Variants in CYP27C1 observed in about 807,000 individuals in gnomAD.
CYP27C1 encodes the protein cytochrome P450 family 27 subfamily C member 1.
CYP27C1 carries 29 observed loss-of-function variants against 40.6 expected under a neutral mutation model. The ratio of observed to expected loss-of-function variants is 0.71; its 90% CI spans 0.53 to 0.97. CYP27C1 has a LOEUF of 0.97. Among genes scored for constraint, CYP27C1 ranks in the 50% least tolerant of loss-of-function variants. CYP27C1 has a pLI of 0.00. For missense variants in CYP27C1, 390 were observed against 485.8 expected (o/e 0.80, Z 1.85); for synonymous variants, 198 against 186.8 (o/e 1.06, Z -0.49).
chr2:127,203,448 G>T lies in CYP27C1; in HGVS notation c.597C>A (p.Tyr199Ter), dbSNP rs776450684. 5 of 1,613,850 alleles carry T rather than the reference G, an allele frequency of 3.1e-6. No homozygotes were observed. The African/African-American group carries it at 5.3e-5, about 17-fold the overall frequency. Residue 199 changes from tyrosine to a stop codon, truncating the protein, a stop_gained, in exon 3 of 9, where the codon TAC becomes TAA. Transcript: ENST00000664447. LOFTEE classifies it high-confidence loss of function. ...CATCTTCTGCCTGGCTCCTGAGGAG[G>T]TAGATTCTTTTAATTAAGTCAGCAA... is the stretch of plus-strand genomic sequence containing the variant. ...QVIADLIKRI[Y>*]LLRSQAEDGE... is the part of the protein sequence containing the mutation.
At chr2:127,192,634 C>T (rs1682807171) in intron 8 of CYP27C1, among the ~76,000 whole-genome samples, 1 of 146,180 alleles carries the variant, frequency 6.8e-6, no homozygotes, top group Non-Finnish European at 1.5e-5. Flanking sequence ...GGGGGGGCTG[C>T]TGCTGACGGT....
In CYP27C1 at chr2:127,195,731, C is replaced by G. The variant is rs1275848540; in HGVS notation, c.1048-230G>C. Among the ~76,000 whole-genome samples the G allele has an allele frequency of 6.6e-6, 1 of 152,166 alleles. No individual in the cohort carries two copies. The highest frequency in any genetic ancestry group is 2.4e-5 in the African/African-American group (1 of 41,434). On this transcript the variant is annotated intron_variant, in intron 5 of 8. Transcript: ENST00000664447. The surrounding 1 kb of genome is among the most constrained non-coding windows in gnomAD (Gnocchi z 6.2). The stretch of plus-strand genomic sequence containing the variant: ...ACGTATTTGGCAAGTGACATTGACT[C>G]TATGATTCATGTGCTCCTGTCATGA...
rs567527240 is a variant in CYP27C1 at position 127,186,138 on chromosome 2, C to G, written c.*1133G>C. The G allele has an allele frequency of 1.3e-5, 2 of 152,158 alleles. No individual in the cohort carries two copies. The highest frequency in any genetic ancestry group is 2.9e-5 in the Non-Finnish European group (2 of 68,022). 9.4% of individuals were successfully genotyped at this position (152,158 alleles called of 1,614,324 possible). ...TTATTACTTCTCACAACTTAGGCAACAAAATTTTACGTCATCATATTTCCA... is the reference window on the plus strand; with the variant it reads ...TTATTACTTCTCACAACTTAGGCAAGAAAATTTTACGTCATCATATTTCCA... On this transcript the variant is annotated 3_prime_UTR_variant, in exon 9 of 9. Transcript: ENST00000664447. This position sits in a 1 kb window ranked among gnomAD's most constrained non-coding sequence, Gnocchi z 4.5.
intron 8 of CYP27C1, among the ~76,000 whole-genome samples, chr2:127,190,342 C>CTTTTTTTTTTTTTTTTTTT (rs1241035422): frequency 9.3e-5 from 9 of 96,640 alleles, no homozygotes; most frequent in Admixed American, 5.8e-4. Flanking sequence ...TTTTTTTTTT[C>CTTTTTTTTTTTTTTTTTTT]TTTTTTTTTT....
In CYP27C1 at chr2:127,218,752, G is replaced by A. The variant is rs1175592259; in HGVS notation, c.282+1237C>T. 1.3e-5 allele frequency among the ~76,000 whole-genome samples: 2 copies of A among 152,200 alleles called. No homozygotes were observed. Among genetic ancestry groups the A allele is most frequent in the African/African-American group, 4.8e-5 (2 of 41,446 alleles). On this transcript the variant is annotated intron_variant, in intron 1 of 8. Coordinates refer to ENST00000664447, the MANE Select transcript of CYP27C1 (RefSeq NM_001367502.1). The surrounding 1 kb of genome is among the most constrained non-coding windows in gnomAD (Gnocchi z 6.0). ...ACTCTGGGCAGAAGGACAGGCCTGG[G>A]TGGGAGGAGAAGGGGGCGTTCTCGG... is the stretch of plus-strand genomic sequence containing the variant.
intron 1 of CYP27C1, among the ~76,000 whole-genome samples, chr2:127,214,404 G>A (rs1393725945): frequency 6.6e-6 from 1 of 152,140 alleles, no homozygotes; most frequent in African/African-American, 2.4e-5. Context: ...CAGTAGCAAG[G>A]ACATGGAACC....
chr2:127,204,300 G>GA (rs1415816551), intron 2 of CYP27C1, among the ~76,000 whole-genome samples: 2 of 83,486 alleles, frequency 2.4e-5, no homozygotes. Flanking sequence ...GAGAGAGAGA[G>GA]AAAAGGAAGG....
chr2:127,195,979 A>C lies in CYP27C1; in HGVS notation c.1048-478T>G, dbSNP rs1223578277. On this transcript the variant is annotated intron_variant, in intron 5 of 8. Coordinates refer to ENST00000664447, the MANE Select transcript of CYP27C1 (RefSeq NM_001367502.1). The surrounding 1 kb of genome is among the most constrained non-coding windows in gnomAD (Gnocchi z 6.2). ...TAATCTAGAGATTGGAGTGCACAGGAGATCACTAGTTAGCCATCGTGTCCT... is the reference window on the plus strand; with the variant it reads ...TAATCTAGAGATTGGAGTGCACAGGCGATCACTAGTTAGCCATCGTGTCCT... Among the ~76,000 whole-genome samples, 2 of 152,112 alleles carry C rather than the reference A, an allele frequency of 1.3e-5. No homozygotes were observed. The highest frequency in any genetic ancestry group is 2.9e-5 in the Non-Finnish European group (2 of 68,028).
chr2:127,199,020 C>T (rs906003896), intron 5 of CYP27C1, among the ~76,000 whole-genome samples: 1 of 152,246 alleles, frequency 6.6e-6, no homozygotes, highest in Non-Finnish European at 1.5e-5. Context: ...CGCAGTGGCT[C>T]ATGCCTGTAA....
chr2:127,195,196 A>T lies in CYP27C1; in HGVS notation c.1214+139T>A. 2 of 1,025,670 alleles carry T rather than the reference A, an allele frequency of 1.9e-6. No homozygotes were observed. Among genetic ancestry groups the T allele is most frequent in the Non-Finnish European group, 2.9e-6 (2 of 696,998 alleles). The allele number at this position is 1,025,670 out of a possible 1,614,324, so 63.5% of individuals were successfully genotyped here. A position where few individuals can be genotyped will look rare whatever the true frequency, so the allele number is the denominator to read the frequency against. ...GAATGGTCTTTCTGCTATTCTGACAAGAGCAGAGAAAAAATAACAGTCACG... is the reference window on the plus strand; with the variant it reads ...GAATGGTCTTTCTGCTATTCTGACATGAGCAGAGAAAAAATAACAGTCACG... On this transcript the variant is annotated intron_variant, in intron 6 of 8. Coordinates refer to ENST00000664447, the MANE Select transcript of CYP27C1 (RefSeq NM_001367502.1). The surrounding 1 kb of genome is among the most constrained non-coding windows in gnomAD (Gnocchi z 6.2).
chr2:127,204,444 G>GAA (rs1558930829), intron 2 of CYP27C1, among the ~76,000 whole-genome samples: 1 of 23,252 alleles, frequency 4.3e-5, no homozygotes, highest in African/African-American at 1.8e-4. Context: ...GAAAGAAAAA[G>GAA]AAAGAAAGAA....
chr2:127,197,730 C>A (rs774214263), intron 5 of CYP27C1, among the ~76,000 whole-genome samples: 9 of 152,214 alleles, frequency 5.9e-5, no homozygotes, highest in Non-Finnish European at 1.2e-4. Flanking sequence ...CCTAGCTCCT[C>A]CCTGTTTTGC....
chr2:127,211,801 C>T (rs1234999164), intron 1 of CYP27C1, among the ~76,000 whole-genome samples: 2 of 151,948 alleles, frequency 1.3e-5, no homozygotes, highest in Non-Finnish European at 1.5e-5. Context: ...CGAGAGCAAA[C>T]TAATCCAAAA....
chr2:127,203,532 T>C lies in CYP27C1; in HGVS notation c.513A>G (p.Arg171=). 4 of 1,614,062 alleles carry C rather than the reference T, an allele frequency of 2.5e-6. No homozygotes were observed. Among genetic ancestry groups the C allele is most frequent in the Non-Finnish European group, 2.5e-6 (3 of 1,180,022 alleles). Residue 171 remains arginine, a synonymous_variant, in exon 3 of 9, where the codon AGA becomes AGG. Transcript: ENST00000664447. The part of the protein sequence containing the change: ...EQWLKMRSVL[R]QRILKPKDVA... ...CATCTTTCGGTTTCAGAATTCTTTG[T>C]CTCAATACGCTTCTCATCTTGAGCC...
In CYP27C1 at chr2:127,204,531, AAGAAAG is replaced by A. The variant is rs1202206012; in HGVS notation, c.474-966_474-961del. 5.7e-3 allele frequency among the ~76,000 whole-genome samples: 262 copies of A among 46,142 alleles called. 24 individuals are homozygous for A. The highest frequency in any genetic ancestry group is 6.9e-3 in the Admixed American group (28 of 4,080). The allele number at this position is 46,142 out of a possible 152,430, so 30.3% of individuals were successfully genotyped here. ...AAAGAAAGAAGGAAAGAAAGAAAGA[AAGAAAG>A]AGAGAGAGAGAGAGAGAGAGAAAGA... On this transcript the variant is annotated intron_variant, in intron 2 of 8. Coordinates refer to ENST00000664447, the MANE Select transcript of CYP27C1 (RefSeq NM_001367502.1).
At chr2:127,194,927 T>A (rs951951655) in intron 6 of CYP27C1, among the ~76,000 whole-genome samples, 3 of 151,762 alleles carry the variant, frequency 2.0e-5, no homozygotes, top group African/African-American at 7.3e-5. Flanking sequence ...TCACCTAACT[T>A]CAAGCGATTC....
chr2:127,199,674 T>A, intron 4 of CYP27C1, 135 bp from the exon 5 acceptor site: 1 of 820,272 alleles, frequency 1.2e-6, no homozygotes, highest in Non-Finnish European at 1.8e-6. Context: ...CCAATTTATC[T>A]AACGTCAACC....
chr2:127,213,230 T>A (rs1683367027), intron 1 of CYP27C1, among the ~76,000 whole-genome samples: 1 of 151,690 alleles, frequency 6.6e-6, no homozygotes, highest in Non-Finnish European at 1.5e-5. Flanking sequence ...ATCGTGAAAA[T>A]GGCCATACTG....
In CYP27C1 at chr2:127,186,990, C is replaced by A; in HGVS notation, c.*281G>T. 5.2e-6 allele frequency: 2 copies of A among 386,486 alleles called. No individual in the cohort carries two copies. The highest frequency in any genetic ancestry group is 9.6e-6 in the Non-Finnish European group (2 of 208,828). The allele number at this position is 386,486 out of a possible 1,614,324, so 23.9% of individuals were successfully genotyped here. ...TACTGCCAGTCATTAAATATTGAGT[C>A]TAGCACAATGTATGAAGCATAAAAA... On this transcript the variant is annotated 3_prime_UTR_variant, in exon 9 of 9. Coordinates refer to ENST00000664447, the MANE Select transcript of CYP27C1 (RefSeq NM_001367502.1). The surrounding 1 kb of genome is among the most constrained non-coding windows in gnomAD (Gnocchi z 4.5).
Sources: gnomAD v4.1 joint callset for allele counts (sites outside exome capture counted in the v4.1 genomes callset) on GRCh38, gnomAD v4.1.1 for gene constraint, Gnocchi (gnomAD v3.1) non-coding constraint, MANE v1.5 for transcripts, NCBI Gene and HGNC (gene_info 2026-07-23, HGNC 2026-07-21) for gene names.